Variants in CNR2 observed in about 807,000 individuals in gnomAD.
The protein encoded by CNR2 is cannabinoid receptor 2 (macrophage).
For synonymous variants in CNR2, 172 were observed against 182.2 expected (o/e 0.94, Z 0.45); for missense variants, 379 against 439.9 (o/e 0.86, Z 1.24).
intron 1 of CNR2, among the ~76,000 whole-genome samples, chr1:23,911,982 A>T (rs1313401363): frequency 2.0e-5 from 3 of 152,070 alleles, no homozygotes; most frequent in Non-Finnish European, 4.4e-5. Flanking sequence ...GCCTCATTTT[A>T]TCCTCATCTC....
At chr1:23,905,706 A>G (rs372530273) in intron 1 of CNR2, among the ~76,000 whole-genome samples, 12 of 152,196 alleles carry the variant, frequency 7.9e-5, no homozygotes, top group East Asian at 5.8e-4. Context: ...TAAACCTGGC[A>G]TGAGGACTCA....
At chr1:23,905,414 A>G (rs1439289821) in intron 1 of CNR2, among the ~76,000 whole-genome samples, 1 of 151,590 alleles carries the variant, frequency 6.6e-6, no homozygotes, top group Middle Eastern at 3.5e-3. Flanking sequence ...TCCTGACCTC[A>G]GGTGATCCAC....
chr1:23,900,317 G>A (rs1640376713), intron 1 of CNR2, among the ~76,000 whole-genome samples: 1 of 152,094 alleles, frequency 6.6e-6, no homozygotes, highest in Admixed American at 6.6e-5. Context: ...ACTGATTTGA[G>A]TAATAATAAA....
chr1:23,902,802 C>CG, intron 1 of CNR2: 3 of 1,422,790 alleles, frequency 2.1e-6, no homozygotes, highest in Non-Finnish European at 2.7e-6. Context: ...GGCGCGGGCG[C>CG]GGGGGCGCGG....
chr1:23,901,477 A>G, intron 1 of CNR2: 2 of 1,559,412 alleles, frequency 1.3e-6, no homozygotes, highest in Non-Finnish European at 1.7e-6. Flanking sequence ...CACCTCAGGC[A>G]TAGAAGATGA....
chr1:23,902,752 G>A lies in CNR2; in HGVS notation c.-46+10494C>T. On this transcript the variant is annotated intron_variant, in intron 1 of 1. Coordinates refer to ENST00000374472, the MANE Select transcript of CNR2 (RefSeq NM_001841.3). ...CGCAGCGTGGGGGACCGCGCCATTT[G>A]GGGCTCTCCGGGTGGTTGTTGCCAA... is the stretch of plus-strand genomic sequence containing the variant. 3 of 1,518,396 alleles carry A rather than the reference G, an allele frequency of 2.0e-6. No individual in the cohort carries two copies. The South Asian group carries it at 3.7e-5, about 19-fold the overall frequency. The allele number at this position is 1,518,396 out of a possible 1,614,324, so 94.1% of individuals were successfully genotyped here.
intron 1 of CNR2, among the ~76,000 whole-genome samples, chr1:23,890,638 G>A (rs1433453771): frequency 6.6e-6 from 1 of 151,794 alleles, no homozygotes; most frequent in Non-Finnish European, 1.5e-5. Flanking sequence ...CCAGCTACTC[G>A]GGAGGCTGAG....
At chr1:23,903,908 A>C (rs1640443583) in intron 1 of CNR2, among the ~76,000 whole-genome samples, 1 of 152,216 alleles carries the variant, frequency 6.6e-6, no homozygotes, top group East Asian at 1.9e-4. Context: ...GTGAACCCAA[A>C]CCTGTGCCCA....
intron 1 of CNR2, among the ~76,000 whole-genome samples, chr1:23,884,375 G>A (rs186966190): frequency 2.7e-5 from 4 of 148,266 alleles, no homozygotes; most frequent in African/African-American, 7.5e-5. Flanking sequence ...GCGCGATCTC[G>A]GCTCACTGCA....
chr1:23,885,321 T>A (rs144981647), intron 1 of CNR2, among the ~76,000 whole-genome samples: 1 of 151,500 alleles, frequency 6.6e-6, no homozygotes, highest in African/African-American at 2.4e-5. Context: ...GGAAAGGGGC[T>A]GTCTTGAATA....
At chr1:23,877,280 A>G (rs1466501409) in intron 1 of CNR2, among the ~76,000 whole-genome samples, 1 of 152,252 alleles carries the variant, frequency 6.6e-6, no homozygotes, top group East Asian at 1.9e-4. Flanking sequence ...CATTGAAAAA[A>G]GAGATCCTTA....
intron 1 of CNR2, among the ~76,000 whole-genome samples, chr1:23,881,198 C>G (rs1000410652): frequency 6.6e-6 from 1 of 151,842 alleles, no homozygotes; most frequent in Admixed American, 6.6e-5. Flanking sequence ...ATCGCTTGAA[C>G]CCAGGAGGCG....
intron 1 of CNR2, among the ~76,000 whole-genome samples, chr1:23,906,781 A>G (rs1640492857): frequency 6.6e-6 from 1 of 151,960 alleles, no homozygotes; most frequent in Non-Finnish European, 1.5e-5. Flanking sequence ...AGTCTCAGCT[A>G]CTTGACAGAC....
intron 1 of CNR2, chr1:23,901,391 T>C: frequency 7.9e-7 from 1 of 1,269,616 alleles, no homozygotes; most frequent in Non-Finnish European, 1.1e-6. Context: ...AAGTGTGGCC[T>C]TTCATGGTGT....
At chr1:23,907,358 C>A (rs1301325806) in intron 1 of CNR2, among the ~76,000 whole-genome samples, 1 of 147,112 alleles carries the variant, frequency 6.8e-6, no homozygotes, top group Non-Finnish European at 1.5e-5. Flanking sequence ...TGCAGTGAGC[C>A]GAGATCGCGC....
Position 23,902,077 on chromosome 1 carries a change from G to A in CNR2, c.-46+11169C>T, listed in dbSNP as rs1451279103. 5 of 1,525,736 alleles carry A rather than the reference G, an allele frequency of 3.3e-6. No homozygotes were observed. The East Asian group carries it at 1.1e-4, about 34-fold the overall frequency. The allele number at this position is 1,525,736 out of a possible 1,614,324, so 94.5% of individuals were successfully genotyped here. ...GTTGGCAAACTCCTCTAGGGTCATG[G>A]TTGGAATTCGGATCAGATAGAGGGC... On this transcript the variant is annotated intron_variant, in intron 1 of 1. Coordinates refer to ENST00000374472, the MANE Select transcript of CNR2 (RefSeq NM_001841.3).
At position 23,874,340 on chromosome 1, in the gene CNR2, C is replaced by T; in HGVS notation, c.*195G>A. Reference sequence around the variant, plus strand: ...GGCTACTCCTCGTGGCCCTACCTATCCAACAGACTGTGTGCAGGTGGGCAA... The same window carrying T: ...GGCTACTCCTCGTGGCCCTACCTATTCAACAGACTGTGTGCAGGTGGGCAA... On this transcript the variant is annotated 3_prime_UTR_variant, in exon 2 of 2. Transcript: ENST00000374472. The T allele has an allele frequency of 1.6e-6, 1 of 613,756 alleles. No individual in the cohort carries two copies. Among genetic ancestry groups the T allele is most frequent in the Non-Finnish European group, 2.8e-6 (1 of 353,160 alleles). The allele number at this position is 613,756 out of a possible 1,614,324, so 38.0% of individuals were successfully genotyped here.
chr1:23,900,750 C>T (rs1055301124), intron 1 of CNR2, among the ~76,000 whole-genome samples: 9 of 152,128 alleles, frequency 5.9e-5, no homozygotes, highest in South Asian at 2.1e-4. Flanking sequence ...AGGTGAACCG[C>T]CCGCCTTGGC....
chr1:23,896,406 TG>T (rs1158313975), intron 1 of CNR2, among the ~76,000 whole-genome samples: 1 of 152,242 alleles, frequency 6.6e-6, no homozygotes, highest in Non-Finnish European at 1.5e-5. Flanking sequence ...GTCTCATCAG[TG>T]GTGGGGAGGC....
Sources: gnomAD v4.1 joint callset for allele counts (sites outside exome capture counted in the v4.1 genomes callset) on GRCh38, gnomAD v4.1.1 for gene constraint, MANE v1.5 for transcripts, NCBI Gene and HGNC (gene_info 2026-07-23, HGNC 2026-07-21) for gene names.